SLC6A17: variants seen among roughly 807,000 people sequenced by gnomAD.
SLC6A17 encodes the protein sodium-dependent neutral amino acid transporter SLC6A17.
SLC6A17 carries 21 observed loss-of-function variants against 64.5 expected under a neutral mutation model. The ratio of observed to expected loss-of-function variants is 0.33; its 90% CI spans 0.23 to 0.47. The LOEUF (loss-of-function observed/expected upper bound fraction) is 0.47. Among genes scored for constraint, SLC6A17 ranks in the 20% least tolerant of loss-of-function variants. SLC6A17 has a pLI of 1.00. For synonymous variants in SLC6A17, 372 were observed against 399.5 expected (o/e 0.93, Z 0.82); for missense variants, 682 against 963.2 (o/e 0.71, Z 3.86).
intron 6 of SLC6A17, among the ~76,000 whole-genome samples, chr1:110,177,358 G>A (rs1656401752): frequency 6.6e-6 from 1 of 152,164 alleles, no homozygotes; most frequent in African/African-American, 2.4e-5. Context: ...AGCAAGATGA[G>A]CAGGATCACT....
At chr1:110,162,532 G>A (rs1159639757) in intron 1 of SLC6A17, among the ~76,000 whole-genome samples, 1 of 152,210 alleles carries the variant, frequency 6.6e-6, no homozygotes, top group Non-Finnish European at 1.5e-5. Context: ...CCTGGATTAT[G>A]GCTGGTTCCA....
chr1:110,197,725 C>G (rs1000155907), intron 11 of SLC6A17, 126 bp downstream of exon 11: 20 of 1,111,932 alleles, frequency 1.8e-5, no homozygotes, highest in African/African-American at 1.6e-5. Flanking sequence ...TGCCTCACAC[C>G]TAAACCGCAA....
intron 6 of SLC6A17, chr1:110,178,742 G>A (rs996622470): frequency 4.6e-5 from 7 of 152,248 alleles, no homozygotes; most frequent in African/African-American, 1.4e-4. Context: ...GAAGTTCAAG[G>A]GAGCTCACTT....
At chr1:110,165,599 T>A (rs1656027434) in intron 1 of SLC6A17, among the ~76,000 whole-genome samples, 1 of 152,142 alleles carries the variant, frequency 6.6e-6, no homozygotes, top group South Asian at 2.1e-4. Flanking sequence ...ATTACATGTG[T>A]AACAGGGCCT....
intron 1 of SLC6A17, among the ~76,000 whole-genome samples, chr1:110,154,879 C>T (rs1655715032): frequency 6.6e-6 from 1 of 152,224 alleles, no homozygotes; most frequent in African/African-American, 2.4e-5. Flanking sequence ...AGGTTATTTA[C>T]AGCAGCTGCT....
At position 110,194,647 on chromosome 1, in the gene SLC6A17, G is replaced by A. The variant is rs62636568; in HGVS notation, c.1368G>A (p.Pro456=). 197 of 1,614,160 alleles carry A rather than the reference G, an allele frequency of 1.2e-4. No homozygotes were observed. Among genetic ancestry groups the A allele is most frequent in the Middle Eastern group, 3.3e-4 (2 of 6,062 alleles). ...TEAMTHFPAS[P]FWSVMFFLML... ...CCATGACGCACTTCCCCGCCTCCCCGTTCTGGTCCGTCATGTTCTTCTTGA... is the reference window on the plus strand; with the variant it reads ...CCATGACGCACTTCCCCGCCTCCCCATTCTGGTCCGTCATGTTCTTCTTGA... The change falls in exon 9 of 12, where the codon CCG becomes CCA. Residue 456 remains proline, a synonymous_variant. Transcript: ENST00000331565.
In SLC6A17 at chr1:110,192,457, A is replaced by C; in HGVS notation, c.1107-49A>C. 6.4e-7 allele frequency: 1 copy of C among 1,566,392 alleles called. No individual in the cohort carries two copies. On this transcript the variant is annotated intron_variant, in intron 7 of 11. Coordinates refer to ENST00000331565, the MANE Select transcript of SLC6A17 (RefSeq NM_001010898.4). The surrounding 1 kb of genome is among the most constrained non-coding windows in gnomAD (Gnocchi z 4.3). The stretch of plus-strand genomic sequence containing the variant: ...GGGAAGAGCCTCCAGGATCTCACCC[A>C]TTGCCCACCCCTGCCTTCTTACCTG...
At chr1:110,187,698 G>T (rs1298852048) in intron 6 of SLC6A17, among the ~76,000 whole-genome samples, 1 of 152,270 alleles carries the variant, frequency 6.6e-6, no homozygotes, top group Non-Finnish European at 1.5e-5. Flanking sequence ...GGCTCCAGCA[G>T]ATTGTGGTAG....
At chr1:110,173,909 GGAGCGTGGGGGCAGGGTGGA>G in intron 3 of SLC6A17, 44 bp from the exon 4 acceptor site, 2 of 1,551,320 alleles carry the variant, frequency 1.3e-6, no homozygotes, top group South Asian at 1.3e-5. Flanking sequence ...GGCCTCGGGT[GGAGCGTGGGGGCAGGGTGGA>G]GTTGCCTGCA....
intron 1 of SLC6A17, among the ~76,000 whole-genome samples, chr1:110,162,200 A>T (rs1035638940): frequency 2.0e-5 from 3 of 152,066 alleles, no homozygotes; most frequent in African/African-American, 7.2e-5. Context: ...TAAGGGGGGG[A>T]TAATTAGAAT....
At chr1:110,157,915 G>C (rs4838929) in intron 1 of SLC6A17, among the ~76,000 whole-genome samples, 95,124 of 152,020 alleles carry the variant, frequency 0.63, 30,149 homozygotes, top group African/African-American at 0.71. Flanking sequence ...TCACTCCGTT[G>C]AAGTCTTTAT....
rs1656255569 is a variant in SLC6A17, at chr1:110,172,114, T to C, written c.341T>C (p.Phe114Ser). The C allele has an allele frequency of 2.5e-6, 4 of 1,613,980 alleles. No homozygotes were observed. The highest frequency in any genetic ancestry group is 2.5e-6 in the Non-Finnish European group (3 of 1,179,994). The change falls in exon 3 of 12, where the codon TTC (phenylalanine) becomes TCC (serine). Residue 114 changes from phenylalanine to serine, a missense_variant. Physicochemically the swap from Phe to Ser is radical, Grantham distance 155. Coordinates refer to ENST00000331565, the MANE Select transcript of SLC6A17 (RefSeq NM_001010898.4). ...VLLIIIGIPL[F>S]FLELAVGQRI... is the part of the protein sequence containing the mutation. ...CTGATCATCATCGGGATCCCCCTCTTCTTCCTGGAGCTGGCTGTGGGTCAG... is the reference window on the plus strand; with the variant it reads ...CTGATCATCATCGGGATCCCCCTCTCCTTCCTGGAGCTGGCTGTGGGTCAG...
chr1:110,178,985 G>T (rs932528586), intron 6 of SLC6A17, among the ~76,000 whole-genome samples: 76 of 152,300 alleles, frequency 5.0e-4, no homozygotes, highest in African/African-American at 1.8e-3. Flanking sequence ...CATAAACAAT[G>T]TTTAGCATTT....
At position 110,176,572 on chromosome 1, in the gene SLC6A17, G is replaced by A. The variant is rs2101849426; in HGVS notation, c.754-57G>A. 5 of 1,513,312 alleles carry A rather than the reference G, an allele frequency of 3.3e-6. No individual in the cohort carries two copies. The East Asian group carries it at 1.1e-4, about 34-fold the overall frequency. 93.7% of individuals were successfully genotyped at this position (1,513,312 alleles called of 1,614,324 possible). ...GTGCCCCAGATGTGAGCAGGGATGG[G>A]GGGTGCCAGCTGCAGGAAGGGCTCT... On this transcript the variant is annotated intron_variant, in intron 5 of 11. Transcript: ENST00000331565.
At chr1:110,161,793 AGG>A (rs1235425539) in intron 1 of SLC6A17, among the ~76,000 whole-genome samples, 1 of 152,078 alleles carries the variant, frequency 6.6e-6, no homozygotes, top group Non-Finnish European at 1.5e-5. Context: ...TGTGGGGTGG[AGG>A]GGCTCCAGGC....
At chr1:110,158,834 T>G (rs1655826642) in intron 1 of SLC6A17, among the ~76,000 whole-genome samples, 1 of 152,214 alleles carries the variant, frequency 6.6e-6, no homozygotes, top group African/African-American at 2.4e-5. Context: ...TGTGTATTTT[T>G]GCACATTGCC....
At chr1:110,173,219 C>A (rs899741149) in intron 3 of SLC6A17, among the ~76,000 whole-genome samples, 3 of 152,246 alleles carry the variant, frequency 2.0e-5, no homozygotes, top group Non-Finnish European at 4.4e-5. Context: ...GCAGCTGCTC[C>A]TGCACACATG....
Position 110,198,301 on chromosome 1 carries a change from C to G in SLC6A17, c.2041C>G (p.Pro681Ala). 6.2e-7 allele frequency: 1 copy of G among 1,614,172 alleles called. No individual in the cohort carries two copies. Among genetic ancestry groups the G allele is most frequent in the Non-Finnish European group, 8.5e-7 (1 of 1,180,026 alleles). ...GACCCGCTTCATCCTCAGCAAGGTG[C>G]CCAGTGAGGCACCTTCCCCCATGCC... ...DETRFILSKV[P>A]SEAPSPMPTH... The change falls in exon 12 of 12, where the codon CCC becomes GCC. Residue 681 changes from proline (P) to alanine (A), a missense_variant. Physicochemically the swap from Pro to Ala is conservative, Grantham distance 27. Transcript: ENST00000331565.
intron 6 of SLC6A17, among the ~76,000 whole-genome samples, chr1:110,190,794 T>G (rs1656804636): frequency 6.6e-6 from 1 of 151,208 alleles, no homozygotes; most frequent in African/African-American, 2.4e-5. Flanking sequence ...CTTTAAAGAG[T>G]ATAGGTGATA....
Sources: gnomAD v4.1 joint callset for allele counts (sites outside exome capture counted in the v4.1 genomes callset) on GRCh38, gnomAD v4.1.1 for gene constraint, Gnocchi (gnomAD v3.1) non-coding constraint, MANE v1.5 for transcripts, NCBI Gene and HGNC (gene_info 2026-07-23, HGNC 2026-07-21) for gene names.